Variants in COP1 observed in about 807,000 individuals in gnomAD.
COP1 encodes the protein E3 ubiquitin-protein ligase COP1.
In COP1, 24 loss-of-function variants were observed where a neutral mutation model predicts 101.3. The observed-to-expected ratio is 0.24, with a 90% CI of 0.17 to 0.33. COP1 has a LOEUF of 0.33. Ranked by LOEUF, COP1 falls within the 10% of genes least tolerant of loss-of-function variation. COP1 has a pLI of 1.00. For synonymous variants in COP1, 347 were observed against 341.9 expected (o/e 1.01, Z -0.17); for missense variants, 663 against 906.2 (o/e 0.73, Z 3.45).
intron 8 of COP1, among the ~76,000 whole-genome samples, chr1:176,134,535 A>G (rs1263105621): frequency 5.9e-5 from 9 of 152,038 alleles, no homozygotes; most frequent in Non-Finnish European, 1.0e-4. Flanking sequence ...ATAAGTAGTT[A>G]TAAGAAAATA....
chr1:176,180,977 C>T (rs1697660197), intron 2 of COP1, among the ~76,000 whole-genome samples: 2 of 152,120 alleles, frequency 1.3e-5, no homozygotes, highest in African/African-American at 4.8e-5. Flanking sequence ...AATAGTAAAT[C>T]AGGGCTTGGT....
At chr1:176,079,919 A>G (rs1235942389) in intron 11 of COP1, among the ~76,000 whole-genome samples, 1 of 152,100 alleles carries the variant, frequency 6.6e-6, no homozygotes, top group Admixed American at 6.6e-5. Context: ...GCTACTCGGG[A>G]AGCTGAGGCA....
At chr1:176,086,042 T>C in intron 9 of COP1, 152 bp from the exon 10 acceptor site, 1 of 463,580 alleles carries the variant, frequency 2.2e-6, no homozygotes, top group East Asian at 3.0e-5. Context: ...TATTTTCCAA[T>C]TTATCTTTTA....
At chr1:176,187,652 T>C (rs1698639638) in intron 1 of COP1, among the ~76,000 whole-genome samples, 1 of 152,196 alleles carries the variant, frequency 6.6e-6, no homozygotes, top group Non-Finnish European at 1.5e-5. Flanking sequence ...GAGCAAGTAG[T>C]TTAATCTTTC....
intron 10 of COP1, among the ~76,000 whole-genome samples, chr1:176,082,528 C>T (rs995350004): frequency 5.3e-5 from 8 of 151,918 alleles, no homozygotes; most frequent in African/African-American, 1.2e-4. Flanking sequence ...ACAACAGGGC[C>T]GGGTGCAGCA....
chr1:175,959,306 T>A (rs533550793), intron 18 of COP1, among the ~76,000 whole-genome samples: 38 of 152,224 alleles, frequency 2.5e-4, no homozygotes, highest in African/African-American at 8.7e-4. Flanking sequence ...AGGAAACTTC[T>A]TTGTAAGGGT....
chr1:176,176,200 T>C (rs1696911614), intron 2 of COP1, among the ~76,000 whole-genome samples, 193 bp from the exon 3 acceptor site: 1 of 152,152 alleles, frequency 6.6e-6, no homozygotes, highest in Non-Finnish European at 1.5e-5. Context: ...TACACAAAAG[T>C]TATTTCAAAC....
At chr1:175,989,523 G>T in intron 15 of COP1, 44 bp from the exon 16 acceptor site, 1 of 1,084,502 alleles carries the variant, frequency 9.2e-7, no homozygotes, top group Non-Finnish European at 1.4e-6. Flanking sequence ...ATGCAGAAAT[G>T]GAAAGCAAAG....
At chr1:176,165,356 T>TC (rs1694932037) in intron 3 of COP1, among the ~76,000 whole-genome samples, 1 of 135,780 alleles carries the variant, frequency 7.4e-6, no homozygotes, top group Non-Finnish European at 1.6e-5. Context: ...GAGAGAGATG[T>TC]GTGTCGTGTG....
chr1:176,043,081 G>A, intron 14 of COP1, 105 bp downstream of exon 14: 1 of 724,162 alleles, frequency 1.4e-6, no homozygotes, highest in Non-Finnish European at 2.5e-6. Flanking sequence ...AATCACAAAG[G>A]ACTGACATGA....
intron 9 of COP1, among the ~76,000 whole-genome samples, chr1:176,106,392 T>TCC (rs1684309365): frequency 6.6e-6 from 1 of 152,162 alleles, no homozygotes; most frequent in Admixed American, 6.5e-5. Context: ...ACAAACCTCC[T>TCC]TCTTGCCTGG....
At chr1:176,097,868 C>CAA (rs35822200) in intron 9 of COP1, among the ~76,000 whole-genome samples, 3,039 of 79,202 alleles carry the variant, frequency 0.038, 94 homozygotes, top group Non-Finnish European at 0.054. Flanking sequence ...AACTCCATCT[C>CAA]AAAAAAAAAA....
intron 14 of COP1, among the ~76,000 whole-genome samples, chr1:176,036,904 A>T (rs1223456845): frequency 2.0e-5 from 3 of 152,306 alleles, no homozygotes; most frequent in East Asian, 1.9e-4. Flanking sequence ...CATTTTATGG[A>T]CTTTGATGCC....
chr1:176,016,269 C>G (rs1338580407), intron 15 of COP1, among the ~76,000 whole-genome samples: 1 of 151,618 alleles, frequency 6.6e-6, no homozygotes, highest in African/African-American at 2.4e-5. Flanking sequence ...AACAGAGTAT[C>G]AAAGAATACC....
rs1185657903 is a variant in COP1 at position 176,206,822 on chromosome 1, C to T, written c.157G>A (p.Ala53Thr). Residue 53 changes from alanine (A) to threonine (T), a missense_variant, in exon 1 of 20, where the codon GCC (alanine) becomes ACC (threonine). Around this residue, in one of 4 missense-constraint regions of COP1, gnomAD observed 204 missense variants for 203.6 expected, o/e 1.00. Coordinates refer to ENST00000367669, the MANE Select transcript of COP1 (RefSeq NM_022457.7). ...AGGCCGCCCGAGCCGGCGGCCTGGG[C>T]CACCCCGCCGGACACCAGCGCTGCC... ...SAAALVSGGV[A>T]QAAGSGGLGG... The T allele has an allele frequency of 3.6e-6, 5 of 1,398,602 alleles. No homozygotes were observed. The highest frequency in any genetic ancestry group is 4.6e-6 in the Non-Finnish European group (5 of 1,084,296). The allele number at this position is 1,398,602 out of a possible 1,614,324, so 86.6% of individuals were successfully genotyped here. A position where few individuals can be genotyped will look rare whatever the true frequency, so the allele number is the denominator to read the frequency against.
chr1:176,118,015 GATTA>G (rs1686497968), intron 8 of COP1, among the ~76,000 whole-genome samples: 1 of 152,196 alleles, frequency 6.6e-6, no homozygotes, highest in Admixed American at 6.5e-5. Context: ...CATACAAAAT[GATTA>G]ATTACTTAGT....
At chr1:176,197,796 T>C (rs1247385738) in intron 1 of COP1, among the ~76,000 whole-genome samples, 1 of 152,116 alleles carries the variant, frequency 6.6e-6, no homozygotes, top group Non-Finnish European at 1.5e-5. Flanking sequence ...AAAAAATTAT[T>C]AGAACTAGTA....
intron 5 of COP1, among the ~76,000 whole-genome samples, chr1:176,155,645 G>A (rs1693334341): frequency 6.6e-6 from 1 of 151,718 alleles, no homozygotes; most frequent in South Asian, 2.1e-4. Flanking sequence ...ATAAAATAAA[G>A]AACAGATCCT....
chr1:175,998,026 A>G (rs1660624007), intron 15 of COP1, among the ~76,000 whole-genome samples: 1 of 142,766 alleles, frequency 7.0e-6, no homozygotes, highest in Admixed American at 7.4e-5. Context: ...ACTAACCTGC[A>G]CAATGTGCAC....
Sources: gnomAD v4.1 joint callset for allele counts (sites outside exome capture counted in the v4.1 genomes callset) on GRCh38, gnomAD v4.1.1 for gene constraint, gnomAD v4.1.1 regional missense constraint, MANE v1.5 for transcripts, NCBI Gene and HGNC (gene_info 2026-07-23, HGNC 2026-07-21) for gene names.